The following ARNT2 variants were observed in gnomAD, a reference collection of about 807,000 sequenced individuals.
The protein encoded by ARNT2 is aryl hydrocarbon receptor nuclear translocator 2.
In ARNT2, 36 loss-of-function variants were observed where a neutral mutation model predicts 91.7. The observed-to-expected ratio is 0.39, with a 90% CI of 0.30 to 0.52. ARNT2 has a LOEUF of 0.52. ARNT2 is among the 20% of genes least tolerant of loss of function. The pLI, the probability that ARNT2 is intolerant of heterozygous loss-of-function variation, is 0.72. For missense variants in ARNT2, 775 were observed against 939.3 expected (o/e 0.83, Z 2.29); for synonymous variants, 365 against 347.1 (o/e 1.05, Z -0.57).
chr15:80,453,357 C>T (rs1158044275), intron 2 of ARNT2, among the ~76,000 whole-genome samples: 1 of 152,234 alleles, frequency 6.6e-6, no homozygotes, highest in Non-Finnish European at 1.5e-5. Flanking sequence ...ATCCTCACTC[C>T]TACTTCCTTT....
intron 3 of ARNT2, among the ~76,000 whole-genome samples, chr15:80,465,507 C>T (rs1896640919): frequency 1.3e-5 from 2 of 152,212 alleles, no homozygotes; most frequent in African/African-American, 4.8e-5. Flanking sequence ...GCTCTACAGA[C>T]ATTCCACGTG....
intron 12 of ARNT2, among the ~76,000 whole-genome samples, chr15:80,566,370 T>C (rs1391837708): frequency 2.6e-5 from 4 of 152,176 alleles, no homozygotes; most frequent in African/African-American, 9.7e-5. Flanking sequence ...TCTCCTCCAT[T>C]TCTGGCATCT....
At chr15:80,449,316 G>A (rs932194871) in intron 1 of ARNT2, among the ~76,000 whole-genome samples, 6 of 152,170 alleles carry the variant, frequency 3.9e-5, no homozygotes, top group African/African-American at 1.2e-4. Flanking sequence ...ATCTGTCTTT[G>A]CTGTAACAGT....
At position 80,404,964 on chromosome 15, in the gene ARNT2, T is replaced by C. The variant is rs1362436729; in HGVS notation, c.31+418T>C. Among the ~76,000 whole-genome samples the C allele has an allele frequency of 6.6e-6, 1 of 152,126 alleles. No individual in the cohort carries two copies. The highest frequency in any genetic ancestry group is 1.5e-5 in the Non-Finnish European group (1 of 68,010). ...GCTCCGCGCTGACGGAGGGAAAAGT[T>C]TGGAGCTGGGATTCAACAGGGTACA... On this transcript the variant is annotated intron_variant, in intron 1 of 18. Transcript: ENST00000303329. This position sits in a 1 kb window ranked among gnomAD's most constrained non-coding sequence, Gnocchi z 5.5.
chr15:80,549,003 G>A (rs1898035749), intron 8 of ARNT2, among the ~76,000 whole-genome samples: 1 of 151,996 alleles, frequency 6.6e-6, no homozygotes, highest in African/African-American at 2.4e-5. Flanking sequence ...ATACAATAAA[G>A]CCTCTATAAT....
At chr15:80,413,418 C>T (rs898903727) in intron 1 of ARNT2, among the ~76,000 whole-genome samples, 26 of 152,242 alleles carry the variant, frequency 1.7e-4, no homozygotes, top group Admixed American at 6.5e-5. Flanking sequence ...GGTCCCAGGG[C>T]TTAGAGAGCA....
chr15:80,466,336 C>G (rs1896652270), intron 3 of ARNT2, among the ~76,000 whole-genome samples: 1 of 152,222 alleles, frequency 6.6e-6, no homozygotes, highest in Non-Finnish European at 1.5e-5. Flanking sequence ...TAGCTGTGCT[C>G]CTGGAGCCAA....
At chr15:80,435,376 G>A (rs1332746095) in intron 1 of ARNT2, among the ~76,000 whole-genome samples, 7 of 152,182 alleles carry the variant, frequency 4.6e-5, no homozygotes, top group African/African-American at 1.7e-4. Context: ...ACTTCCTCCT[G>A]AGAAGAGCCG....
chr15:80,577,773 A>T (rs1401427797), intron 15 of ARNT2, among the ~76,000 whole-genome samples: 1 of 152,192 alleles, frequency 6.6e-6, no homozygotes, highest in Non-Finnish European at 1.5e-5. Flanking sequence ...AGGAATGAGG[A>T]TTTTGCTTCC....
rs774135716 is a variant in ARNT2, at chr15:80,514,339, AAAG to A, written c.815_817del (p.Glu272del). ...TTTTAGGAATGGCCTTGGCCCTGTG[AAAG>A]AAGGAGAAGCCCAATATGCTGTGGT... On this transcript the variant is annotated inframe_deletion, in exon 8 of 19. Transcript: ENST00000303329. 6.2e-7 allele frequency: 1 copy of A among 1,614,164 alleles called. No individual in the cohort carries two copies. The highest frequency in any genetic ancestry group is 8.5e-7 in the Non-Finnish European group (1 of 1,180,022).
rs540513598 is a variant in ARNT2, at chr15:80,596,925, C to A, written c.*3227C>A. ...CACTCTGTCCATGCGTCACTCCCCC[C>A]AGTTTTATTTTTAGCTTTGGCTTCA... On this transcript the variant is annotated 3_prime_UTR_variant, in exon 19 of 19. Transcript: ENST00000303329. The A allele has an allele frequency of 4.2e-5, 15 of 356,598 alleles. No individual in the cohort carries two copies. In the East Asian group the frequency reaches 9.6e-4, roughly 23 times the overall value. 22.1% of individuals were successfully genotyped at this position (356,598 alleles called of 1,614,324 possible). A position where few individuals can be genotyped will look rare whatever the true frequency, so the allele number is the denominator to read the frequency against.
intron 6 of ARNT2, among the ~76,000 whole-genome samples, chr15:80,511,278 G>A (rs939014170): frequency 2.0e-5 from 3 of 152,250 alleles, no homozygotes; most frequent in African/African-American, 7.2e-5. Flanking sequence ...ACACAGGAAT[G>A]AAAAACCAAA....
intron 17 of ARNT2, among the ~76,000 whole-genome samples, chr15:80,586,723 G>A (rs372792570): frequency 6.6e-6 from 1 of 151,814 alleles, no homozygotes; most frequent in Admixed American, 6.6e-5. Context: ...AAAATTAGCC[G>A]GGCATGGTGG....
At chr15:80,588,632 C>T (rs182123315) in intron 17 of ARNT2, among the ~76,000 whole-genome samples, 59 of 152,236 alleles carry the variant, frequency 3.9e-4, no homozygotes, top group African/African-American at 1.1e-3. Flanking sequence ...TGTAGATGCC[C>T]GGATGAACCA....
At chr15:80,563,357 T>C in intron 12 of ARNT2, 118 bp downstream of exon 12, 1 of 1,352,040 alleles carries the variant, frequency 7.4e-7, no homozygotes, top group Non-Finnish European at 1.0e-6. Context: ...TGGAAATCCC[T>C]GTAGGATTAA....
intron 3 of ARNT2, among the ~76,000 whole-genome samples, chr15:80,458,877 C>T (rs945092949): frequency 2.0e-5 from 3 of 152,106 alleles, no homozygotes; most frequent in Non-Finnish European, 2.9e-5. Context: ...CCATGGGTGA[C>T]GGTTGCTTTT....
At chr15:80,509,398 C>T (rs1020919045) in intron 6 of ARNT2, among the ~76,000 whole-genome samples, 9 of 151,874 alleles carry the variant, frequency 5.9e-5, no homozygotes, top group Non-Finnish European at 1.3e-4. Flanking sequence ...GCTGAGATCG[C>T]GCCACTGCAC....
At chr15:80,450,788 A>G (rs532402252) in intron 1 of ARNT2, 92 bp from the exon 2 acceptor site, 8 of 1,252,390 alleles carry the variant, frequency 6.4e-6, no homozygotes, top group East Asian at 4.6e-5. Context: ...CTCTCTGCGC[A>G]GGTGGTGCTT....
chr15:80,404,533 G>T lies in ARNT2; in HGVS notation c.18G>T (p.Ala6=). Residue 6 remains alanine, a synonymous_variant, in exon 1 of 19, where the codon GCG becomes GCT. Coordinates refer to ENST00000303329, the MANE Select transcript of ARNT2 (RefSeq NM_014862.4). The surrounding 1 kb of genome is among the most constrained non-coding windows in gnomAD (Gnocchi z 5.5). ...CGAGCAAGATGGCAACCCCGGCGGC[G>T]GTCAACCCTCCGGGTGAGTAGCGGC... MATPA[A]VNPPEMASDI... The T allele has an allele frequency of 8.2e-7, 1 of 1,215,486 alleles. No homozygotes were observed. Among genetic ancestry groups the T allele is most frequent in the South Asian group, 1.7e-5 (1 of 60,286 alleles). The allele number at this position is 1,215,486 out of a possible 1,614,324, so 75.3% of individuals were successfully genotyped here. A position where few individuals can be genotyped will look rare whatever the true frequency, so the allele number is the denominator to read the frequency against.
Sources: gnomAD v4.1 joint callset for allele counts (sites outside exome capture counted in the v4.1 genomes callset) on GRCh38, gnomAD v4.1.1 for gene constraint, Gnocchi (gnomAD v3.1) non-coding constraint, MANE v1.5 for transcripts, NCBI Gene and HGNC (gene_info 2026-07-23, HGNC 2026-07-21) for gene names.